Variants in KIF6 observed in about 807,000 individuals in gnomAD.
KIF6 encodes the protein kinesin family member 6.
KIF6 carries 106 observed loss-of-function variants against 112.7 expected under a neutral mutation model. The ratio of observed to expected loss-of-function variants is 0.94; its 90% CI spans 0.80 to 1.11. The LOEUF is 1.11. Among genes scored for constraint, KIF6 ranks in the 50% least tolerant of loss-of-function variants. The pLI, the probability that KIF6 is intolerant of heterozygous loss-of-function variation, is 0.00. For missense variants in KIF6, 929 were observed against 964.0 expected (o/e 0.96, Z 0.48); for synonymous variants, 339 against 339.9 (o/e 1.00, Z 0.03).
At chr6:39,384,554 T>C (rs890766211) in intron 16 of KIF6, among the ~76,000 whole-genome samples, 2 of 152,240 alleles carry the variant, frequency 1.3e-5, no homozygotes, top group Non-Finnish European at 2.9e-5. Context: ...ATGTTCCTGA[T>C]GTAATCAGCA....
At chr6:39,607,438 T>C (rs1043813726) in intron 6 of KIF6, among the ~76,000 whole-genome samples, 2 of 152,176 alleles carry the variant, frequency 1.3e-5, no homozygotes, top group Non-Finnish European at 2.9e-5. Flanking sequence ...GCTTGTCATA[T>C]AGTAAGTGCT....
At chr6:39,450,268 A>C (rs893691049) in intron 13 of KIF6, among the ~76,000 whole-genome samples, 1 of 152,116 alleles carries the variant, frequency 6.6e-6, no homozygotes, top group Non-Finnish European at 1.5e-5. Context: ...GAAGTAATTG[A>C]CCATTATGGA....
chr6:39,689,188 G>A (rs1027562649), intron 3 of KIF6, among the ~76,000 whole-genome samples: 3 of 152,310 alleles, frequency 2.0e-5, no homozygotes, highest in African/African-American at 7.2e-5. Context: ...AAATATATTA[G>A]TTGATTTGAG....
chr6:39,348,057 C>T (rs1763945258), intron 19 of KIF6, among the ~76,000 whole-genome samples: 1 of 152,206 alleles, frequency 6.6e-6, no homozygotes, highest in South Asian at 2.1e-4. Context: ...AGAACAGTAA[C>T]CAATTCTCAA....
intron 13 of KIF6, among the ~76,000 whole-genome samples, chr6:39,489,329 AC>A (rs1241427721): frequency 1.2e-4 from 19 of 152,164 alleles, no homozygotes; most frequent in African/African-American, 4.3e-4. Context: ...CTCAATGAAC[AC>A]ATCTGTTCAT....
At chr6:39,348,492 C>T (rs1428726454) in intron 19 of KIF6, among the ~76,000 whole-genome samples, 1 of 152,144 alleles carries the variant, frequency 6.6e-6, no homozygotes, top group Non-Finnish European at 1.5e-5. Flanking sequence ...GCATCCTGTT[C>T]CTGGATGCCA....
At chr6:39,723,564 A>G (rs777948124) in intron 1 of KIF6, among the ~76,000 whole-genome samples, 4 of 152,232 alleles carry the variant, frequency 2.6e-5, no homozygotes, top group Non-Finnish European at 4.4e-5. Context: ...CTATGCAGCC[A>G]TAAAAAAGGA....
chr6:39,508,599 T>C (rs1344895741), intron 13 of KIF6, among the ~76,000 whole-genome samples: 1 of 152,106 alleles, frequency 6.6e-6, no homozygotes, highest in African/African-American at 2.4e-5. Context: ...CCACAGAACC[T>C]TTCTCGCTGC....
intron 10 of KIF6, among the ~76,000 whole-genome samples, chr6:39,550,610 T>G (rs555681913): frequency 2.0e-5 from 3 of 152,290 alleles, no homozygotes; most frequent in Non-Finnish European, 4.4e-5. Flanking sequence ...ACCATGGAAA[T>G]TGGTATTCCA....
intron 10 of KIF6, among the ~76,000 whole-genome samples, chr6:39,549,835 C>T (rs1779272600): frequency 1.3e-5 from 2 of 152,136 alleles, no homozygotes; most frequent in Non-Finnish European, 1.5e-5. Context: ...AAGTGTTGTA[C>T]TTATTGACAT....
chr6:39,589,983 G>A (rs981974385), intron 7 of KIF6, among the ~76,000 whole-genome samples: 6 of 152,188 alleles, frequency 3.9e-5, no homozygotes, highest in African/African-American at 1.2e-4. Flanking sequence ...GAATGCATGA[G>A]AAGATTACTT....
At chr6:39,559,999 T>C (rs1193584188) in intron 10 of KIF6, among the ~76,000 whole-genome samples, 1 of 152,216 alleles carries the variant, frequency 6.6e-6, no homozygotes, top group Non-Finnish European at 1.5e-5. Context: ...TTATTTGTTA[T>C]TTACTTGAAA....
At chr6:39,633,753 C>T (rs551691334) in intron 5 of KIF6, among the ~76,000 whole-genome samples, 26 of 152,272 alleles carry the variant, frequency 1.7e-4, no homozygotes, top group Middle Eastern at 3.4e-3. Context: ...TCATCTTCAA[C>T]GACTTCCCCT....
chr6:39,424,597 T>C (rs1188059519), intron 14 of KIF6, among the ~76,000 whole-genome samples: 4 of 152,224 alleles, frequency 2.6e-5, no homozygotes, highest in African/African-American at 9.6e-5. Flanking sequence ...TAGGACCAAA[T>C]GCCTACCTCA....
intron 1 of KIF6, among the ~76,000 whole-genome samples, chr6:39,723,348 A>C (rs1375914992): frequency 6.6e-6 from 1 of 152,224 alleles, no homozygotes; most frequent in Non-Finnish European, 1.5e-5. Context: ...TATACTCACA[A>C]ATATGATCCA....
At chr6:39,463,617 G>A (rs1470201661) in intron 13 of KIF6, among the ~76,000 whole-genome samples, 2 of 152,084 alleles carry the variant, frequency 1.3e-5, no homozygotes, top group African/African-American at 4.8e-5. Flanking sequence ...CATTTCCTGA[G>A]TAATTAAAAA....
At chr6:39,542,263 C>T (rs1778829848) in intron 12 of KIF6, among the ~76,000 whole-genome samples, 1 of 152,176 alleles carries the variant, frequency 6.6e-6, no homozygotes. Flanking sequence ...TCTCACCTTT[C>T]CCCTGTCTTC....
chr6:39,623,408 T>C (rs1783929477), intron 5 of KIF6, among the ~76,000 whole-genome samples: 1 of 152,194 alleles, frequency 6.6e-6, no homozygotes, highest in Admixed American at 6.5e-5. Flanking sequence ...TATTGCACAC[T>C]CAGAAACAGA....
intron 10 of KIF6, among the ~76,000 whole-genome samples, chr6:39,575,552 G>C (rs1780916818): frequency 6.6e-6 from 1 of 152,130 alleles, no homozygotes; most frequent in Non-Finnish European, 1.5e-5. Flanking sequence ...TTACAGGCGT[G>C]AGCCACCACG....
Sources: allele counts gnomAD v4.1 joint callset (sites outside exome capture counted in the v4.1 genomes callset), GRCh38; gene constraint gnomAD v4.1.1; transcripts MANE v1.5; gene names NCBI Gene and HGNC (gene_info 2026-07-23, HGNC 2026-07-21).